HECW1: variants seen among roughly 807,000 people sequenced by gnomAD.
HECW1 encodes HECT, C2 and WW domain containing E3 ubiquitin protein ligase 1.
Under a neutral mutation model 182.3 loss-of-function variants are expected in HECW1, and 61 were observed. The ratio of observed to expected loss-of-function variants is 0.33; its 90% CI spans 0.27 to 0.41. The LOEUF (loss-of-function observed/expected upper bound fraction) is 0.41. HECW1 is among the 10% of genes least tolerant of loss of function. The pLI is 1.00. For synonymous variants in HECW1, 859 were observed against 832.6 expected (o/e 1.03, Z -0.55); for missense variants, 1,739 against 2,108.9 (o/e 0.82, Z 3.44).
At chr7:43,197,668 C>G (rs986963924) in intron 2 of HECW1, among the ~76,000 whole-genome samples, 6 of 152,166 alleles carry the variant, frequency 3.9e-5, no homozygotes, top group African/African-American at 1.4e-4. Flanking sequence ...CAGCAGGACT[C>G]TGCCCACTGG....
At chr7:43,236,795 G>T (rs1174844700) in intron 2 of HECW1, among the ~76,000 whole-genome samples, 1 of 152,154 alleles carries the variant, frequency 6.6e-6, no homozygotes, top group Non-Finnish European at 1.5e-5. Flanking sequence ...TAAAGATCAT[G>T]AGGCCCACAA....
chr7:43,350,685 T>C (rs940507716), intron 5 of HECW1, among the ~76,000 whole-genome samples: 13 of 152,248 alleles, frequency 8.5e-5, no homozygotes. Flanking sequence ...TTCACATTTC[T>C]AAAAGTGTGT....
At chr7:43,319,393 C>CAAAAAAAAAAAAAA (rs529109893) in intron 4 of HECW1, among the ~76,000 whole-genome samples, 1,881 of 66,508 alleles carry the variant, frequency 0.028, 31 homozygotes, top group Non-Finnish European at 0.043. Context: ...GACTCCGTCT[C>CAAAAAAAAAAAAAA]AAAAAAAAAA....
intron 2 of HECW1, among the ~76,000 whole-genome samples, chr7:43,222,375 T>A (rs1797060428): frequency 6.6e-6 from 1 of 152,168 alleles, no homozygotes; most frequent in Non-Finnish European, 1.5e-5. Context: ...ATGCAAACAA[T>A]CTTTGAAAGA....
intron 5 of HECW1, among the ~76,000 whole-genome samples, chr7:43,336,160 C>CTCTCTCTCTT (rs1812238660): frequency 1.0e-5 from 1 of 99,756 alleles, no homozygotes; most frequent in Admixed American, 1.1e-4. Context: ...CTCTCTCTCT[C>CTCTCTCTCTT]TCTCTCTCTC....
Position 43,493,125 on chromosome 7 carries a change from A to T in HECW1, c.3382A>T (p.Ile1128Phe). Residue 1128 changes from isoleucine to phenylalanine, a missense_variant, in exon 19 of 30, where the codon ATT (isoleucine) becomes TTT (phenylalanine). Coordinates refer to ENST00000395891, the MANE Select transcript of HECW1 (RefSeq NM_015052.5). ...TGTGGCATTTCTTCGCCAGCCAAAC[A>T]TTTTTGAAATGCTGCAAGAGCGTCA... The part of the protein sequence containing the change: ...KIVAFLRQPN[I>F]FEMLQERQPS... The T allele has an allele frequency of 6.2e-7, 1 of 1,613,720 alleles. No homozygotes were observed. The highest frequency in any genetic ancestry group is 8.5e-7 in the Non-Finnish European group (1 of 1,179,868).
chr7:43,554,900 C>A, intron 29 of HECW1, 110 bp downstream of exon 29: 2 of 973,290 alleles, frequency 2.1e-6, no homozygotes, highest in South Asian at 1.6e-5. Flanking sequence ...TCCTGTCACC[C>A]AAAGTATTGT....
At chr7:43,278,758 C>T (rs1803506929) in intron 3 of HECW1, among the ~76,000 whole-genome samples, 1 of 152,096 alleles carries the variant, frequency 6.6e-6, no homozygotes, top group Non-Finnish European at 1.5e-5. Context: ...GTCACTTCTC[C>T]TCCTCCTCCT....
chr7:43,198,591 T>C (rs769700820), intron 2 of HECW1, among the ~76,000 whole-genome samples: 2 of 129,300 alleles, frequency 1.5e-5, no homozygotes, highest in Non-Finnish European at 3.3e-5. Flanking sequence ...ACACACACCA[T>C]ACACACCCCA....
intron 3 of HECW1, among the ~76,000 whole-genome samples, chr7:43,305,714 G>A (rs994444478): frequency 3.6e-4 from 54 of 151,382 alleles, no homozygotes; most frequent in Non-Finnish European, 5.2e-4. Context: ...GATTCTCCCT[G>A]CCACAGCTTC....
At chr7:43,119,434 T>A (rs1389325342) in intron 2 of HECW1, among the ~76,000 whole-genome samples, 1 of 152,210 alleles carries the variant, frequency 6.6e-6, no homozygotes, top group Non-Finnish European at 1.5e-5. Flanking sequence ...CCTGAGTTTT[T>A]ATCCCGATTG....
chr7:43,142,790 T>C (rs1462206799), intron 2 of HECW1, among the ~76,000 whole-genome samples: 1 of 152,230 alleles, frequency 6.6e-6, no homozygotes, highest in Non-Finnish European at 1.5e-5. Context: ...TGCCTTATGC[T>C]CAGAAGCGGG....
At chr7:43,469,984 C>T in intron 16 of HECW1, among the ~76,000 whole-genome samples, 1 of 152,160 alleles carries the variant, frequency 6.6e-6, no homozygotes, top group East Asian at 1.9e-4. Context: ...CCTTAGTATG[C>T]CTCAGAACCT....
intron 6 of HECW1, among the ~76,000 whole-genome samples, chr7:43,367,783 A>G (rs1816828470): frequency 6.6e-6 from 1 of 152,206 alleles, no homozygotes; most frequent in African/African-American, 2.4e-5. Flanking sequence ...AGGAGTTTCC[A>G]AGGGTGATAT....
chr7:43,328,315 C>CA (rs1453751146), intron 5 of HECW1, among the ~76,000 whole-genome samples: 2 of 144,870 alleles, frequency 1.4e-5, no homozygotes, highest in African/African-American at 5.0e-5. Context: ...AAACAAAAAA[C>CA]AAAAAACAAA....
intron 17 of HECW1, among the ~76,000 whole-genome samples, chr7:43,488,440 G>GAAAGAAAGAA (rs2078775498): frequency 8.3e-6 from 1 of 121,156 alleles, no homozygotes; most frequent in Non-Finnish European, 1.7e-5. Context: ...GAAAGAGAAA[G>GAAAGAAAGAA]AAAGAAAGAA....
intron 12 of HECW1, among the ~76,000 whole-genome samples, chr7:43,454,583 T>C (rs2077338466): frequency 6.6e-6 from 1 of 152,224 alleles, no homozygotes; most frequent in South Asian, 2.1e-4. Context: ...CCTACATTTT[T>C]CCTTCAATTT....
At position 43,199,036 on chromosome 7, in the gene HECW1, G is replaced by A. The variant is rs7810582; in HGVS notation, c.-31-44839G>A. Among the ~76,000 whole-genome samples, 697 of 152,278 alleles carry A rather than the reference G, an allele frequency of 4.6e-3. 3 individuals are homozygous for A. The highest frequency in any genetic ancestry group is 0.016 in the African/African-American group (646 of 41,542). On this transcript the variant is annotated intron_variant, in intron 2 of 29. Coordinates refer to ENST00000395891, the MANE Select transcript of HECW1 (RefSeq NM_015052.5). ...CAAAGCCTGGTATGACCACAAATCC[G>A]ATATAAGAGAGTCCAAATATCCTGC...
intron 2 of HECW1, among the ~76,000 whole-genome samples, chr7:43,240,265 G>T (rs1798757628): frequency 1.3e-5 from 2 of 152,130 alleles, no homozygotes; most frequent in African/African-American, 4.8e-5. Context: ...GTGAACCCGG[G>T]AGGCGGAGCT....
Sources: gnomAD v4.1 joint callset for allele counts (sites outside exome capture counted in the v4.1 genomes callset) on GRCh38, gnomAD v4.1.1 for gene constraint, MANE v1.5 for transcripts, NCBI Gene and HGNC (gene_info 2026-07-23, HGNC 2026-07-21) for gene names.